Variants in USP6NL observed in about 807,000 individuals in gnomAD.
The protein encoded by USP6NL is USP6 N-terminal-like protein.
Under a neutral mutation model 61.9 loss-of-function variants are expected in USP6NL, and 26 were observed. The observed-to-expected ratio is 0.42, with a 90% CI of 0.31 to 0.58. The LOEUF is 0.58. USP6NL is among the 20% of genes least tolerant of loss of function. The probability of loss-of-function intolerance (pLI) is 0.16; values close to 1 mark genes in which losing one functional copy is unlikely to be tolerated. For synonymous variants in USP6NL, 432 were observed against 390.1 expected (o/e 1.11, Z -1.27); for missense variants, 1,114 against 1,034.3 (o/e 1.08, Z -1.06).
At chr10:11,590,188 A>G (rs2133639083) in intron 2 of USP6NL, among the ~76,000 whole-genome samples, 1 of 152,352 alleles carries the variant, frequency 6.6e-6, no homozygotes, top group Admixed American at 6.5e-5. Context: ...GTAGCTTTAA[A>G]GAGAAGCTGA....
rs1197606718 is a variant in USP6NL, at chr10:11,501,035, T to G, written c.384+66A>C. 6 of 1,258,024 alleles carry G rather than the reference T, an allele frequency of 4.8e-6. No individual in the cohort carries two copies. In the Admixed American group the frequency reaches 1.6e-4, roughly 33 times the overall value. 77.9% of individuals were successfully genotyped at this position (1,258,024 alleles called of 1,614,324 possible). A position where few individuals can be genotyped will look rare whatever the true frequency, so the allele number is the denominator to read the frequency against. On this transcript the variant is annotated intron_variant, in intron 7 of 14. Coordinates refer to ENST00000609104, the MANE Select transcript of USP6NL (RefSeq NM_014688.5). ...ATCATATGAATATCTTATGTCACCT[T>G]GAATGCTAAAAGAAATGGATTTTAC...
chr10:11,517,407 T>C (rs1835003471), intron 5 of USP6NL, among the ~76,000 whole-genome samples: 1 of 152,176 alleles, frequency 6.6e-6, no homozygotes, highest in Non-Finnish European at 1.5e-5. Context: ...TCACATATAC[T>C]ATGGCCCCAC....
chr10:11,549,419 T>C (rs1836406872), intron 2 of USP6NL, among the ~76,000 whole-genome samples: 1 of 152,306 alleles, frequency 6.6e-6, no homozygotes, highest in Non-Finnish European at 1.5e-5. Flanking sequence ...CTCCACACTG[T>C]TCACAGATAT....
Position 11,592,281 on chromosome 10 carries a change from A to G in USP6NL, c.4+5350T>C, listed in dbSNP as rs1432264691. 6.6e-6 allele frequency among the ~76,000 whole-genome samples: 1 copy of G among 152,182 alleles called. No homozygotes were observed. Among genetic ancestry groups the G allele is most frequent in the Non-Finnish European group, 1.5e-5 (1 of 68,020 alleles). ...TAATAACAACGAAGTACACTAAACT[A>G]AGAAAGTAATCACACAAATTTTCTG... On this transcript the variant is annotated intron_variant, in intron 2 of 14. Coordinates refer to ENST00000609104, the MANE Select transcript of USP6NL (RefSeq NM_014688.5). This position sits in a 1 kb window ranked among gnomAD's most constrained non-coding sequence, Gnocchi z 4.7.
In USP6NL at chr10:11,485,843, A is replaced by G; in HGVS notation, c.733T>C (p.Phe245Leu). ...QEHHEKILNK[F>L]LSKLKQHLDS... ...AAGTGTTGCTTAAGCTTGGACAGAA[A>G]TTTGTTCAGTATTTTTTCATGATGT... The change falls in exon 11 of 15, where the codon TTT becomes CTT. Residue 245 changes from phenylalanine (F) to leucine (L), a missense_variant. Coordinates refer to ENST00000609104, the MANE Select transcript of USP6NL (RefSeq NM_014688.5). The surrounding 1 kb of genome is among the most constrained non-coding windows in gnomAD (Gnocchi z 4.8). 6.4e-7 allele frequency: 1 copy of G among 1,556,352 alleles called. No individual in the cohort carries two copies. Among genetic ancestry groups the G allele is most frequent in the Non-Finnish European group, 8.7e-7 (1 of 1,149,730 alleles).
chr10:11,576,376 T>C (rs1482226344), intron 2 of USP6NL, among the ~76,000 whole-genome samples: 1 of 151,530 alleles, frequency 6.6e-6, no homozygotes, highest in Admixed American at 6.6e-5. Flanking sequence ...TCTGAATGTC[T>C]AAGTTCCCCC....
intron 2 of USP6NL, among the ~76,000 whole-genome samples, chr10:11,555,104 T>TG (rs199620458): frequency 0.099 from 13,830 of 139,814 alleles, 1,098 homozygotes; most frequent in East Asian, 0.43. Flanking sequence ...TTTTTTTTTT[T>TG]TTTGGTTTTT....
intron 2 of USP6NL, among the ~76,000 whole-genome samples, chr10:11,557,531 A>G (rs1836756883): frequency 6.6e-6 from 1 of 152,208 alleles, no homozygotes; most frequent in African/African-American, 2.4e-5. Context: ...TTTAAATTGG[A>G]TTATCTCTAG....
At chr10:11,479,033 T>C (rs1833080878) in intron 14 of USP6NL, among the ~76,000 whole-genome samples, 1 of 152,208 alleles carries the variant, frequency 6.6e-6, no homozygotes, top group Non-Finnish European at 1.5e-5. Flanking sequence ...TGAGTTCTTA[T>C]TCCATAACAA....
chr10:11,482,871 CTAATGACAAATTGTA>C lies in USP6NL; in HGVS notation c.926-964_926-950del, dbSNP rs1833260666. Among the ~76,000 whole-genome samples the C allele has an allele frequency of 6.6e-6, 1 of 151,876 alleles. No homozygotes were observed. The highest frequency in any genetic ancestry group is 1.5e-5 in the Non-Finnish European group (1 of 67,976). On this transcript the variant is annotated intron_variant, in intron 13 of 14. Coordinates refer to ENST00000609104, the MANE Select transcript of USP6NL (RefSeq NM_014688.5). The surrounding 1 kb of genome is among the most constrained non-coding windows in gnomAD (Gnocchi z 4.0). ...AAGAGTTTTTCTTTTTTTTAATTGG[CTAATGACAAATTGTA>C]TATATCTGTGGTAGACAATGTTTTG...
chr10:11,462,921 T>C lies in USP6NL; in HGVS notation c.2007A>G (p.Arg669=), dbSNP rs1249566862. The C allele has an allele frequency of 6.2e-7, 1 of 1,613,194 alleles. No individual in the cohort carries two copies. ...SPGTQLNPSR[R]PHGSTLSVSA... ...TGACGGAAAGAGTAGAACCATGAGG[T>C]CTCCTGGAAGGATTCAGTTGAGTCC... The change falls in exon 15 of 15, where the codon AGA becomes AGG. Residue 669 remains arginine (R), a synonymous_variant. Transcript: ENST00000609104.
rs907473716 is a variant in USP6NL at position 11,602,382 on chromosome 10, T to C, written c.-83-4665A>G. On this transcript the variant is annotated intron_variant, in intron 1 of 14. Transcript: ENST00000609104. The surrounding 1 kb of genome is among the most constrained non-coding windows in gnomAD (Gnocchi z 4.8). ...AACAGGAAGGATTTACTATGTATAA[T>C]ATATAATATGTATTACAATAAATAT... Among the ~76,000 whole-genome samples, 5 of 152,268 alleles carry C rather than the reference T, an allele frequency of 3.3e-5. No individual in the cohort carries two copies. Among genetic ancestry groups the C allele is most frequent in the African/African-American group, 1.2e-4 (5 of 41,542 alleles).
rs779869414 is a variant in USP6NL, at chr10:11,463,269, G to A, written c.1659C>T (p.Asn553=). ...CGCTGTCCAGCTCCGGGCCTGGCAC[G>A]TTGTCGTACTGCGATGCAGTGGAGC... ...KRGSTASQYD[N]VPGPELDSGA... Residue 553 remains asparagine (N), a synonymous_variant, in exon 15 of 15, where the codon AAC becomes AAT. Transcript: ENST00000609104. The surrounding 1 kb of genome is among the most constrained non-coding windows in gnomAD (Gnocchi z 6.3). 35 of 1,613,784 alleles carry A rather than the reference G, an allele frequency of 2.2e-5. No homozygotes were observed. Among genetic ancestry groups the A allele is most frequent in the Middle Eastern group, 1.6e-4 (1 of 6,062 alleles).
chr10:11,545,595 A>G (rs1228771396), intron 2 of USP6NL, among the ~76,000 whole-genome samples: 4 of 152,344 alleles, frequency 2.6e-5, no homozygotes, highest in African/African-American at 9.6e-5. Context: ...AAGGCATTAT[A>G]CTTTATGCTT....
chr10:11,599,282 C>A (rs1321245087), intron 1 of USP6NL, among the ~76,000 whole-genome samples: 3 of 152,208 alleles, frequency 2.0e-5, no homozygotes, highest in Non-Finnish European at 4.4e-5. Flanking sequence ...TAAATTTATA[C>A]TTGTAGAGTC....
intron 2 of USP6NL, among the ~76,000 whole-genome samples, chr10:11,550,189 T>C (rs575379374): frequency 1.3e-5 from 2 of 152,318 alleles, no homozygotes; most frequent in East Asian, 1.9e-4. Flanking sequence ...GAAGAAAATA[T>C]AGGAGATAAT....
At chr10:11,543,973 G>A (rs1041797610) in intron 2 of USP6NL, among the ~76,000 whole-genome samples, 3 of 151,646 alleles carry the variant, frequency 2.0e-5, no homozygotes, top group South Asian at 2.1e-4. Flanking sequence ...TACCACGCCC[G>A]GCTATTTTTT....
chr10:11,571,708 T>C (rs1219552904), intron 2 of USP6NL, among the ~76,000 whole-genome samples: 7 of 151,848 alleles, frequency 4.6e-5, no homozygotes, highest in Admixed American at 4.6e-4. Flanking sequence ...TATGACTTTT[T>C]TTTTCAAGGA....
intron 2 of USP6NL, among the ~76,000 whole-genome samples, chr10:11,533,840 G>T (rs528747376): frequency 6.6e-6 from 1 of 152,268 alleles, no homozygotes; most frequent in South Asian, 2.1e-4. Context: ...TTTGAAAAAA[G>T]AATTTGAGAG....
Sources: gnomAD v4.1 joint callset for allele counts (sites outside exome capture counted in the v4.1 genomes callset) on GRCh38, gnomAD v4.1.1 for gene constraint, Gnocchi (gnomAD v3.1) non-coding constraint, MANE v1.5 for transcripts, NCBI Gene and HGNC (gene_info 2026-07-23, HGNC 2026-07-21) for gene names.